The following KMT2C variants were observed in gnomAD, a reference collection of about 807,000 sequenced individuals.
KMT2C encodes histone-lysine N-methyltransferase 2C.
KMT2C carries 88 observed loss-of-function variants against 507.9 expected under a neutral mutation model. The observed-to-expected ratio is 0.17, with a 90% CI of 0.15 to 0.21. KMT2C has a LOEUF of 0.21. Ranked by LOEUF, KMT2C falls within the 10% of genes least tolerant of loss-of-function variation. The pLI, the probability that KMT2C is intolerant of heterozygous loss-of-function variation, is 1.00. For synonymous variants in KMT2C, 2,049 were observed against 2,080.8 expected, an observed-to-expected ratio of 0.98 and a Z score of 0.42; for missense variants, 4,954 against 5,957.8, an observed-to-expected ratio of 0.83 and a Z score of 5.55.
intron 43 of KMT2C, among the ~76,000 whole-genome samples, chr7:152,161,459 A>G (rs549825361): frequency 3.0e-4 from 45 of 152,354 alleles, no homozygotes; most frequent in African/African-American, 1.1e-3. Context: ...ACCAATTCCC[A>G]TGACTCAAAC....
intron 38 of KMT2C, among the ~76,000 whole-genome samples, chr7:152,175,475 C>A (rs551455188): frequency 2.1e-5 from 3 of 141,314 alleles, no homozygotes; most frequent in African/African-American, 3.2e-5. Flanking sequence ...CCTAGCCCCC[C>A]ACCCCCGACA....
chr7:152,151,356 G>A (rs915870508), intron 50 of KMT2C, 86 bp downstream of exon 50: 1 of 1,385,496 alleles, frequency 7.2e-7, no homozygotes, highest in Non-Finnish European at 1.0e-6. Flanking sequence ...CATAAGTGGT[G>A]TCTCTCTCTG....
At chr7:152,220,825 G>GT in intron 22 of KMT2C, 90 bp from the exon 23 acceptor site, 1 of 896,940 alleles carries the variant, frequency 1.1e-6, no homozygotes, top group Non-Finnish European at 1.8e-6. Flanking sequence ...TCAAGGGAAT[G>GT]TGACTGTAGT....
intron 1 of KMT2C, among the ~76,000 whole-genome samples, chr7:152,418,233 C>T (rs147686780): frequency 4.8e-4 from 73 of 152,222 alleles, no homozygotes; most frequent in Middle Eastern, 6.8e-3. Context: ...AGCCACCATG[C>T]CCGGCCAAAT....
Position 152,139,662 on chromosome 7 carries a change from AC to A in KMT2C, c.14460+12del. The A allele has an allele frequency of 1.9e-6, 3 of 1,553,544 alleles. No individual in the cohort carries two copies. The South Asian group carries it at 3.3e-5, about 17-fold the overall frequency. On this transcript the variant is annotated intron_variant, in intron 56 of 58. Transcript: ENST00000262189. ...TGGTGCTGTGTATACAATCTCGGGGACCAGACACCTACCTGAGACTCATAAA... is the reference window on the plus strand; with the variant it reads ...TGGTGCTGTGTATACAATCTCGGGGACAGACACCTACCTGAGACTCATAAA...
At chr7:152,258,345 A>G (rs960620650) in intron 9 of KMT2C, among the ~76,000 whole-genome samples, 22 of 152,338 alleles carry the variant, frequency 1.4e-4, no homozygotes, top group African/African-American at 4.8e-4. Context: ...ATGAGTCAGT[A>G]TTAATAAGTA....
At chr7:152,215,018 A>C (rs1293591482) in intron 23 of KMT2C, among the ~76,000 whole-genome samples, 1 of 152,124 alleles carries the variant, frequency 6.6e-6, no homozygotes, top group Admixed American at 6.5e-5. Context: ...CATAGTAATC[A>C]TTTCACTATG....
intron 44 of KMT2C, 139 bp from the exon 45 acceptor site, chr7:152,156,485 A>G: frequency 9.3e-7 from 1 of 1,069,724 alleles, no homozygotes; most frequent in East Asian, 2.6e-5. Context: ...GCACACCAAG[A>G]AAACAATACC....
intron 42 of KMT2C, among the ~76,000 whole-genome samples, chr7:152,166,328 G>A (rs1215271853): frequency 6.6e-6 from 1 of 151,798 alleles, no homozygotes; most frequent in African/African-American, 2.4e-5. Flanking sequence ...CACCATGTTG[G>A]CCAGGCTGGT....
chr7:152,184,313 T>TGTGCACTGGGGAACAAGCTGGAAAATAA (rs2093551556), intron 34 of KMT2C, among the ~76,000 whole-genome samples: 1 of 152,044 alleles, frequency 6.6e-6, no homozygotes, highest in Admixed American at 6.6e-5. Context: ...ACTGAAAATA[T>TGTGCACTGGGGAACAAGCTGGAAAATAA]GTGCACTGGG....
At chr7:152,309,391 A>G (rs368269644) in intron 6 of KMT2C, among the ~76,000 whole-genome samples, 73 of 146,592 alleles carry the variant, frequency 5.0e-4, no homozygotes, top group African/African-American at 1.7e-3. Context: ...TGGTGCAATC[A>G]TGGCTCACTG....
intron 2 of KMT2C, among the ~76,000 whole-genome samples, chr7:152,333,739 C>G (rs2096906013): frequency 6.6e-6 from 1 of 152,030 alleles, no homozygotes; most frequent in Non-Finnish European, 1.5e-5. Flanking sequence ...TTAGAAAAAA[C>G]TACAAATAAT....
chr7:152,235,521 T>A (rs2095250454), intron 16 of KMT2C, among the ~76,000 whole-genome samples: 1 of 132,008 alleles, frequency 7.6e-6, no homozygotes, highest in Non-Finnish European at 1.7e-5. Context: ...TAAGCAAATA[T>A]CTATCAATCT....
At chr7:152,297,983 T>C (rs927770662) in intron 6 of KMT2C, among the ~76,000 whole-genome samples, 1 of 152,008 alleles carries the variant, frequency 6.6e-6, no homozygotes, top group African/African-American at 2.4e-5. Context: ...AAAATCAAAC[T>C]TTCAAAGACA....
At chr7:152,313,619 T>C (rs1323839092) in intron 4 of KMT2C, among the ~76,000 whole-genome samples, 1 of 152,142 alleles carries the variant, frequency 6.6e-6, no homozygotes, top group Non-Finnish European at 1.5e-5. Flanking sequence ...CTTTGTAAAA[T>C]TGTTTTTTAA....
At chr7:152,151,342 C>T (rs1406111583) in intron 50 of KMT2C, 100 bp downstream of exon 50, 2 of 1,271,562 alleles carry the variant, frequency 1.6e-6, no homozygotes, top group African/African-American at 1.5e-5. Flanking sequence ...GTCCATCACA[C>T]CACCATAAGT....
chr7:152,187,208 G>T, intron 33 of KMT2C, 54 bp downstream of exon 33: 11 of 1,386,600 alleles, frequency 7.9e-6, no homozygotes, highest in Non-Finnish European at 9.2e-6. Flanking sequence ...AAAAAAAAAG[G>T]TATTGCACAT....
intron 2 of KMT2C, among the ~76,000 whole-genome samples, chr7:152,350,341 G>A (rs979718893): frequency 6.6e-6 from 1 of 152,192 alleles, no homozygotes; most frequent in African/African-American, 2.4e-5. Flanking sequence ...ATTTGTAAGT[G>A]TGTGTATAGA....
intron 2 of KMT2C, among the ~76,000 whole-genome samples, chr7:152,342,310 G>A (rs1438191726): frequency 6.6e-6 from 1 of 151,720 alleles, no homozygotes; most frequent in Non-Finnish European, 1.5e-5. Flanking sequence ...AAATCCGATA[G>A]TTTTACTATT....
Sources: allele counts gnomAD v4.1 joint callset (sites outside exome capture counted in the v4.1 genomes callset), GRCh38; gene constraint gnomAD v4.1.1; transcripts MANE v1.5; gene names NCBI Gene and HGNC (gene_info 2026-07-23, HGNC 2026-07-21).